Variants in PTP4A1 observed in about 807,000 individuals in gnomAD.
PTP4A1 encodes the protein protein tyrosine phosphatase type IVA 1.
Under a neutral mutation model 20.5 loss-of-function variants are expected in PTP4A1, and 9 were observed. The observed-to-expected ratio is 0.44, with a 90% CI of 0.26 to 0.77. The LOEUF (loss-of-function observed/expected upper bound fraction) is 0.77, where lower values mean the gene tolerates loss of function less well. Ranked by LOEUF, PTP4A1 falls within the 30% of genes least tolerant of loss-of-function variation. The pLI is 0.19. For missense variants in PTP4A1, 137 were observed against 218.8 expected, an observed-to-expected ratio of 0.63 and a Z score of 2.36; for synonymous variants, 78 against 67.4, an observed-to-expected ratio of 1.16 and a Z score of -0.77.
chr6:63,526,266 A>C (rs1346380738), intron 1 of PTP4A1, among the ~76,000 whole-genome samples: 1 of 152,114 alleles, frequency 6.6e-6, no homozygotes, highest in Non-Finnish European at 1.5e-5. Flanking sequence ...CGGAGGTTGC[A>C]GTGAACCAAG....
intron 3 of PTP4A1, among the ~76,000 whole-genome samples, chr6:63,559,217 T>A (rs142787292): frequency 6.6e-6 from 1 of 152,146 alleles, no homozygotes; most frequent in African/African-American, 2.4e-5. Flanking sequence ...AAATACTCCC[T>A]TGTAACAAAG....
At chr6:63,574,444 A>T (rs1040236892) in intron 1 of PTP4A1, among the ~76,000 whole-genome samples, 2 of 152,162 alleles carry the variant, frequency 1.3e-5, no homozygotes, top group Non-Finnish European at 2.9e-5. Flanking sequence ...GGCGGAACAG[A>T]AATCTATCGG....
At chr6:63,543,583 T>C (rs1049421221) in intron 2 of PTP4A1, among the ~76,000 whole-genome samples, 5 of 152,202 alleles carry the variant, frequency 3.3e-5, no homozygotes, top group African/African-American at 7.2e-5. Flanking sequence ...GTGTTGATGA[T>C]TGAATGTGAG....
At chr6:63,529,433 A>G (rs1349011523) in intron 2 of PTP4A1, among the ~76,000 whole-genome samples, 5 of 152,116 alleles carry the variant, frequency 3.3e-5, no homozygotes, top group Non-Finnish European at 5.9e-5. Context: ...AGGCAAAATA[A>G]TTGTCCAGAT....
At chr6:63,539,767 C>CAAAA in intron 2 of PTP4A1, among the ~76,000 whole-genome samples, 1 of 129,144 alleles carries the variant, frequency 7.7e-6, no homozygotes. Context: ...GACTCTGTCT[C>CAAAA]AAAAAAAAAA....
At chr6:63,518,987 T>TA (rs1308039757), upstream of PTP4A1, among the ~76,000 whole-genome samples, 2 of 152,212 alleles carry the variant, frequency 1.3e-5, no homozygotes, top group Non-Finnish European at 2.9e-5. Flanking sequence ...ATCACTGTAG[T>TA]AAAGCATGTG....
Position 63,581,999 on chromosome 6 carries a change from G to A in PTP4A1, c.*1825G>A, listed in dbSNP as rs1410735276. 1 of 152,082 alleles carries A rather than the reference G, an allele frequency of 6.6e-6. No individual in the cohort carries two copies. Among genetic ancestry groups the A allele is most frequent in the Non-Finnish European group, 1.5e-5 (1 of 67,986 alleles). 9.4% of individuals were successfully genotyped at this position (152,082 alleles called of 1,614,324 possible). A position where few individuals can be genotyped will look rare whatever the true frequency, so the allele number is the denominator to read the frequency against. ...AAAGGACTCAAAGTTTAAGTAAAAA[G>A]TGATACTCCACCTTGTGTTTCAAAG... On this transcript the variant is annotated 3_prime_UTR_variant, in exon 6 of 6. Coordinates refer to ENST00000626021, the MANE Select transcript of PTP4A1 (RefSeq NM_003463.5).
At chr6:63,534,253 C>T (rs773543146) in intron 2 of PTP4A1, among the ~76,000 whole-genome samples, 1 of 152,108 alleles carries the variant, frequency 6.6e-6, no homozygotes, top group Non-Finnish European at 1.5e-5. Flanking sequence ...CATGGTTTAA[C>T]AGTGTAACTG....
intron 2 of PTP4A1, among the ~76,000 whole-genome samples, chr6:63,536,489 G>C (rs1415013821): frequency 6.6e-6 from 1 of 152,162 alleles, no homozygotes; most frequent in Non-Finnish European, 1.5e-5. Context: ...AACAAGATTA[G>C]ATTAGATTAA....
At chr6:63,563,005 G>T (rs1777031306) in intron 3 of PTP4A1, among the ~76,000 whole-genome samples, 1 of 152,144 alleles carries the variant, frequency 6.6e-6, no homozygotes, top group Admixed American at 6.5e-5. Flanking sequence ...GGCATTTTGT[G>T]ATGTAAAACT....
intron 2 of PTP4A1, among the ~76,000 whole-genome samples, chr6:63,539,279 A>G (rs935825411): frequency 1.3e-5 from 2 of 152,204 alleles, no homozygotes; most frequent in Non-Finnish European, 2.9e-5. Context: ...TAACAAAGAG[A>G]TAAAGAGTAA....
At chr6:63,535,453 G>C (rs1775675910) in intron 2 of PTP4A1, among the ~76,000 whole-genome samples, 1 of 152,008 alleles carries the variant, frequency 6.6e-6, no homozygotes, top group African/African-American at 2.4e-5. Context: ...AGGCAACAGA[G>C]CGAGACTCTG....
chr6:63,533,024 C>A (rs1324185274), intron 2 of PTP4A1, among the ~76,000 whole-genome samples: 1 of 152,112 alleles, frequency 6.6e-6, no homozygotes, highest in East Asian at 1.9e-4. Flanking sequence ...GAGCTACTGA[C>A]CTGACAGAGG....
intron 2 of PTP4A1, among the ~76,000 whole-genome samples, chr6:63,544,711 C>T (rs766338439): frequency 2.6e-5 from 4 of 152,064 alleles, no homozygotes; most frequent in African/African-American, 4.8e-5. Context: ...TTGGGTTTTT[C>T]TGATGTTTCC....
intron 2 of PTP4A1, among the ~76,000 whole-genome samples, chr6:63,534,570 T>G (rs1000997959): frequency 6.6e-6 from 1 of 152,024 alleles, no homozygotes; most frequent in African/African-American, 2.4e-5. Flanking sequence ...ATCGCAGCTA[T>G]GCAGGAGGCT....
chr6:63,538,570 C>T (rs1581918389), intron 2 of PTP4A1, among the ~76,000 whole-genome samples: 1 of 151,894 alleles, frequency 6.6e-6, no homozygotes, highest in African/African-American at 2.4e-5. Flanking sequence ...GAAACTTGGT[C>T]CAAGCATATA....
Position 63,576,510 on chromosome 6 carries a change from C to T in PTP4A1, c.-371C>T, listed in dbSNP as rs1777875992. On this transcript the variant is annotated 5_prime_UTR_variant, in exon 2 of 6. The change creates a new upstream start codon in the 5' untranslated region. Coordinates refer to ENST00000626021, the MANE Select transcript of PTP4A1 (RefSeq NM_003463.5). ...GTGGAGATTACTGCCAGGCACAGCA[C>T]GACCTCTATGCAGACAAGTGAACTG... 9.9e-6 allele frequency: 4 copies of T among 404,632 alleles called. No individual in the cohort carries two copies. The highest frequency in any genetic ancestry group is 1.2e-3 in the Middle Eastern group (2 of 1,630). The allele number at this position is 404,632 out of a possible 1,614,324, so 25.1% of individuals were successfully genotyped here. A position where few individuals can be genotyped will look rare whatever the true frequency, so the allele number is the denominator to read the frequency against.
intron 2 of PTP4A1, among the ~76,000 whole-genome samples, chr6:63,528,352 T>A (rs1358864254): frequency 6.6e-6 from 1 of 152,028 alleles, no homozygotes; most frequent in Non-Finnish European, 1.5e-5. Flanking sequence ...TCCCAGCTAC[T>A]CTGGAGGCTG....
In PTP4A1 at chr6:63,579,938, A is replaced by C. The variant is rs539005508; in HGVS notation, c.405-119A>C. On this transcript the variant is annotated intron_variant, in intron 5 of 5. Transcript: ENST00000626021. Reference sequence around the variant, plus strand: ...TTCATATTCCTTTCTGCATCAGGTCACAGCCTAATTAATCAAAAGATAAAT... The same window carrying C: ...TTCATATTCCTTTCTGCATCAGGTCCCAGCCTAATTAATCAAAAGATAAAT... 6.7e-5 allele frequency: 49 copies of C among 726,608 alleles called. No homozygotes were observed. The South Asian group carries it at 7.9e-4, about 12-fold the overall frequency. 45.0% of individuals were successfully genotyped at this position (726,608 alleles called of 1,614,324 possible). A position where few individuals can be genotyped will look rare whatever the true frequency, so the allele number is the denominator to read the frequency against.
Sources: gnomAD v4.1 joint callset for allele counts (sites outside exome capture counted in the v4.1 genomes callset) on GRCh38, gnomAD v4.1.1 for gene constraint, MANE v1.5 for transcripts, NCBI Gene and HGNC (gene_info 2026-07-23, HGNC 2026-07-21) for gene names.